The following SP100 variants were observed in gnomAD, a reference collection of about 807,000 sequenced individuals.
SP100 encodes nuclear autoantigen Sp-100.
In SP100, 84 loss-of-function variants were observed where a neutral mutation model predicts 130.0. The observed-to-expected ratio is 0.65, with a 90% CI of 0.54 to 0.77. The LOEUF (loss-of-function observed/expected upper bound fraction) is 0.77. Among genes scored for constraint, SP100 ranks in the 30% least tolerant of loss-of-function variants. The pLI, the probability that SP100 is intolerant of heterozygous loss-of-function variation, is 0.00. For synonymous variants in SP100, 331 were observed against 351.7 expected (o/e 0.94, Z 0.66); for missense variants, 978 against 1,052.2 (o/e 0.93, Z 0.97).
intron 8 of SP100, among the ~76,000 whole-genome samples, chr2:230,452,819 T>G (rs1051824949): frequency 1.5e-4 from 8 of 55,162 alleles, no homozygotes; most frequent in African/African-American, 4.2e-4. Flanking sequence ...GTTCTAGCAG[T>G]TTTTTTTTTT....
intron 24 of SP100, chr2:230,537,619 C>T (rs188622781): frequency 6.6e-6 from 1 of 152,336 alleles, no homozygotes. Context: ...TAGTTATGAC[C>T]TCCCAGCCCT....
At chr2:230,473,208 G>A (rs1216697346) in intron 15 of SP100, 116 bp from the exon 16 acceptor site, 17 of 658,680 alleles carry the variant, frequency 2.6e-5, no homozygotes, top group Non-Finnish European at 4.4e-5. Flanking sequence ...GATTTCAGAT[G>A]TAGAGCCCAT....
Position 230,514,269 on chromosome 2 carries a change from A to T in SP100, c.2094+3103A>T, listed in dbSNP as rs73998849. 7.4e-3 allele frequency among the ~76,000 whole-genome samples: 1,131 copies of T among 152,324 alleles called. 14 individuals are homozygous for T. Among genetic ancestry groups the T allele is most frequent in the African/African-American group, 0.026 (1,072 of 41,572 alleles). On this transcript the variant is annotated intron_variant, in intron 24 of 28. Coordinates refer to ENST00000340126, the MANE Select transcript of SP100 (RefSeq NM_001080391.2). Reference sequence around the variant, plus strand: ...TTACTTTTCTTGGAAGAAATAAAACAATGAGTGATTCACAGCATTAATAAT... The same window carrying T: ...TTACTTTTCTTGGAAGAAATAAAACTATGAGTGATTCACAGCATTAATAAT...
At chr2:230,519,818 A>T (rs1691088934) in intron 24 of SP100, among the ~76,000 whole-genome samples, 1 of 152,194 alleles carries the variant, frequency 6.6e-6, no homozygotes, top group African/African-American at 2.4e-5. Flanking sequence ...ACATCAGCTT[A>T]GGCATTTTCA....
At chr2:230,488,103 T>C (rs2066203904) in intron 17 of SP100, among the ~76,000 whole-genome samples, 1 of 152,184 alleles carries the variant, frequency 6.6e-6, no homozygotes, top group South Asian at 2.1e-4. Context: ...GATGGGGTTT[T>C]CTAAATACAA....
chr2:230,529,184 T>A (rs1691578393), intron 24 of SP100, among the ~76,000 whole-genome samples: 1 of 152,150 alleles, frequency 6.6e-6, no homozygotes, highest in Non-Finnish European at 1.5e-5. Flanking sequence ...CTCAAAAAAA[T>A]ACTGGTAAAC....
rs1690254333 is a variant in SP100 at position 230,508,047 on chromosome 2, T to A, written c.2052+16T>A. On this transcript the variant is annotated intron_variant, in intron 23 of 28. Coordinates refer to ENST00000340126, the MANE Select transcript of SP100 (RefSeq NM_001080391.2). ...AAGAAAAAAGGTGATGATCAAGTGA[T>A]CTTCTGCCAATGTCTCGTCTATTAT... The A allele has an allele frequency of 6.2e-7, 1 of 1,613,176 alleles. No homozygotes were observed. The highest frequency in any genetic ancestry group is 8.5e-7 in the Non-Finnish European group (1 of 1,179,580).
At chr2:230,475,497 C>T (rs1170584125) in intron 17 of SP100, among the ~76,000 whole-genome samples, 2 of 152,126 alleles carry the variant, frequency 1.3e-5, no homozygotes, top group Admixed American at 6.5e-5. Flanking sequence ...TGTCTGTTTA[C>T]TCTTTTGGTA....
At chr2:230,526,462 C>A (rs1216014851) in intron 24 of SP100, among the ~76,000 whole-genome samples, 1 of 152,158 alleles carries the variant, frequency 6.6e-6, no homozygotes, top group Non-Finnish European at 1.5e-5. Context: ...GGGGAGAAAC[C>A]ACAGCAGAAA....
chr2:230,539,326 CA>C lies in SP100; in HGVS notation c.2155del (p.Thr719LeufsTer29). Reference sequence around the variant, plus strand: ...AATGGGGACGGCTGTTCTGCTGCGACACTTGTCCAAGATCCTTTCATGAGCA... The same window carrying C: ...AATGGGGACGGCTGTTCTGCTGCGACCTTGTCCAAGATCCTTTCATGAGCA... ...NKWGRLFCCD[T>X]CPRSFHEHCH... On this transcript the variant is annotated frameshift_variant, in exon 25 of 29. Coordinates refer to ENST00000340126, the MANE Select transcript of SP100 (RefSeq NM_001080391.2). LOFTEE classifies it high-confidence loss of function. 6.2e-7 allele frequency: 1 copy of C among 1,614,050 alleles called. No individual in the cohort carries two copies. Among genetic ancestry groups the C allele is most frequent in the Non-Finnish European group, 8.5e-7 (1 of 1,179,902 alleles).
At chr2:230,473,542 C>T in intron 16 of SP100, 102 bp downstream of exon 16, 1 of 650,806 alleles carries the variant, frequency 1.5e-6, no homozygotes, top group Non-Finnish European at 2.7e-6. Context: ...AAGCATGAAA[C>T]AGCCTCTGGA....
intron 18 of SP100, among the ~76,000 whole-genome samples, chr2:230,496,213 C>G (rs1224406850): frequency 6.6e-6 from 1 of 152,098 alleles, no homozygotes; most frequent in East Asian, 1.9e-4. Flanking sequence ...ACATTTATTC[C>G]TTCTACTTCC....
intron 7 of SP100, 73 bp from the exon 8 acceptor site, chr2:230,450,099 G>A: frequency 1.0e-6 from 1 of 996,084 alleles, no homozygotes; most frequent in East Asian, 2.4e-5. Context: ...GAAGCAGGGT[G>A]AGGTCTAACC....
In SP100 at chr2:230,497,544, G is replaced by GAGGAAAGGAAAGGAAAGGAA. The variant is rs1231660014; in HGVS notation, c.1646-862_1646-843dup. On this transcript the variant is annotated intron_variant, in intron 18 of 28. Coordinates refer to ENST00000340126, the MANE Select transcript of SP100 (RefSeq NM_001080391.2). Reference sequence around the variant, plus strand: ...GAGGAGAGGAGAGGAGAGGAGAGGAGAGGAAAGGAAAGGAAAGGAAAGGAA... The same window carrying GAGGAAAGGAAAGGAAAGGAA: ...GAGGAGAGGAGAGGAGAGGAGAGGAGAGGAAAGGAAAGGAAAGGAAAGGAAAGGAAAGGAAAGGAAAGGAA... Among the ~76,000 whole-genome samples, 89 of 19,294 alleles carry GAGGAAAGGAAAGGAAAGGAA rather than the reference G, an allele frequency of 4.6e-3. 2 individuals carry two copies. Among genetic ancestry groups the GAGGAAAGGAAAGGAAAGGAA allele is most frequent in the Admixed American group, 7.5e-3 (12 of 1,600 alleles). 12.7% of individuals were successfully genotyped at this position (19,294 alleles called of 152,430 possible). A position where few individuals can be genotyped will look rare whatever the true frequency, so the allele number is the denominator to read the frequency against.
chr2:230,486,058 G>A (rs1420248610), intron 17 of SP100, among the ~76,000 whole-genome samples: 2 of 50,844 alleles, frequency 3.9e-5, no homozygotes, highest in African/African-American at 1.6e-4. Context: ...ACCTGAGACT[G>A]GGTAATTTAT....
At chr2:230,478,224 G>T (rs533247770) in intron 17 of SP100, among the ~76,000 whole-genome samples, 2 of 152,224 alleles carry the variant, frequency 1.3e-5, no homozygotes, top group South Asian at 2.1e-4. Context: ...GCATATGAGA[G>T]AATCAGAATG....
At chr2:230,422,963 G>T (rs1375448644) in intron 2 of SP100, among the ~76,000 whole-genome samples, 2 of 152,158 alleles carry the variant, frequency 1.3e-5, no homozygotes, top group African/African-American at 4.8e-5. Flanking sequence ...AGGGTTGATA[G>T]CAGAACTATA....
At chr2:230,536,610 A>G (rs1218503245) in intron 24 of SP100, among the ~76,000 whole-genome samples, 1 of 152,154 alleles carries the variant, frequency 6.6e-6, no homozygotes, top group East Asian at 1.9e-4. Context: ...CTGTTAACCA[A>G]TTCCTCCTTA....
rs1256790286 is a variant in SP100, at chr2:230,541,367, T to C, written c.2398T>C (p.Tyr800His). ...AAGCTGCTTTTTCGCCTCAGAACCGTATTATGTAAGTAACAGCCAAACAAA... is the reference window on the plus strand; with the variant it reads ...AAGCTGCTTTTTCGCCTCAGAACCGCATTATGTAAGTAACAGCCAAACAAA... ...SKSCFFASEP[Y>H]YNREGSQGPQ... Residue 800 changes from tyrosine (Y) to histidine (H), a missense_variant, in exon 27 of 29, where the codon TAT (tyrosine) becomes CAT (histidine). Transcript: ENST00000340126. The C allele has an allele frequency of 1.9e-6, 3 of 1,613,120 alleles. No individual in the cohort carries two copies. Among genetic ancestry groups the C allele is most frequent in the Non-Finnish European group, 2.5e-6 (3 of 1,179,114 alleles).
Sources: allele counts gnomAD v4.1 joint callset (sites outside exome capture counted in the v4.1 genomes callset), GRCh38; gene constraint gnomAD v4.1.1; transcripts MANE v1.5; gene names NCBI Gene and HGNC (gene_info 2026-07-23, HGNC 2026-07-21).